Variants in MACF1 observed in about 807,000 individuals in gnomAD.
The protein encoded by MACF1 is microtubule actin crosslinking factor 1, also known as microtubule-actin cross-linking factor 1.
MACF1 carries 193 observed loss-of-function variants against 854.8 expected under a neutral mutation model. The observed-to-expected ratio is 0.23, with a 90% CI of 0.20 to 0.25. MACF1 has a LOEUF of 0.25. Among genes scored for constraint, MACF1 ranks in the 10% least tolerant of loss-of-function variants. The pLI, the probability that MACF1 is intolerant of heterozygous loss-of-function variation, is 1.00. For synonymous variants in MACF1, 3,185 were observed against 3,226.7 expected (o/e 0.99, Z 0.44); for missense variants, 7,722 against 8,929.1 (o/e 0.86, Z 5.45).
chr1:39,325,781 C>T lies in MACF1; in HGVS notation c.4478+1047C>T, dbSNP rs550935323. Among the ~76,000 whole-genome samples, 7 of 152,168 alleles carry T rather than the reference C, an allele frequency of 4.6e-5. No homozygotes were observed. In the South Asian group the frequency reaches 1.5e-3, roughly 32 times the overall value. Reference sequence around the variant, plus strand: ...AAGCCAGAAAGTAAGAGAATTAGTGCCCAGTGGTCTGTATTTTCTCTTTGA... The same window carrying T: ...AAGCCAGAAAGTAAGAGAATTAGTGTCCAGTGGTCTGTATTTTCTCTTTGA... On this transcript the variant is annotated intron_variant, in intron 35 of 100. Transcript: ENST00000564288.
rs571242723 is a variant in MACF1 at position 39,434,629 on chromosome 1, G to A, written c.17781G>A (p.Met5927Ile). ...AGCTCAGGCAGCAACAAGAGGAAATGAGGGTAAGGAGCATGCCAAGTTTCA... is the reference window on the plus strand; with the variant it reads ...AGCTCAGGCAGCAACAAGAGGAAATAAGGGTAAGGAGCATGCCAAGTTTCA... ...HEQLRQQQEEMRQLRESIAEH... is the reference protein window; with the variant it reads ...HEQLRQQQEEIRQLRESIAEH... Residue 5927 changes from methionine (M) to isoleucine (I), a missense_variant, in exon 69 of 101, where the codon ATG (methionine) becomes ATA (isoleucine). Met to Ile is a conservative substitution (Grantham distance 10). This residue lies in a region of MACF1 where 2,807 missense variants were observed against 3,235.8 expected (regional missense o/e 0.87). Coordinates refer to ENST00000564288, the MANE Select transcript of MACF1 (RefSeq NM_001394062.1). The A allele has an allele frequency of 1.9e-6, 3 of 1,613,398 alleles. No homozygotes were observed. The highest frequency in any genetic ancestry group is 4.5e-5 in the East Asian group (2 of 44,878).
chr1:39,346,913 A>T (rs1372390094), intron 40 of MACF1, 64 bp from the exon 41 acceptor site: 14 of 1,070,748 alleles, frequency 1.3e-5, no homozygotes, highest in Non-Finnish European at 1.8e-5. Context: ...GGTTTTCTTC[A>T]TGAACTGAGA....
chr1:39,178,745 C>T (rs371971439), intron 2 of MACF1, among the ~76,000 whole-genome samples: 1 of 152,152 alleles, frequency 6.6e-6, no homozygotes. Flanking sequence ...TGTCTCACTC[C>T]TGGAATTCCT....
rs1644139784 is a variant in MACF1, at chr1:39,442,496, G to C, written c.19033G>C (p.Glu6345Gln). Reference sequence around the variant, plus strand: ...AATGAGTTGGCTGACTCATACCGAAGAGTTGTTAGATGCTCAGAGACCAAT... The same window carrying C: ...AATGAGTTGGCTGACTCATACCGAACAGTTGTTAGATGCTCAGAGACCAAT... ...ELMSWLTHTE[E>Q]LLDAQRPISG... The change falls in exon 77 of 101, where the codon GAG becomes CAG. Residue 6345 changes from glutamate (E) to glutamine (Q), a missense_variant. By Grantham distance (29) the Glu-to-Gln change is conservative (BLOSUM62 2). Around this residue, in one of 15 missense-constraint regions of MACF1, gnomAD observed 2,807 missense variants for 3,235.8 expected, o/e 0.87. Transcript: ENST00000564288. 1.2e-6 allele frequency: 2 copies of C among 1,614,086 alleles called. No individual in the cohort carries two copies. The highest frequency in any genetic ancestry group is 1.7e-6 in the Non-Finnish European group (2 of 1,180,032).
rs190977180 is a variant in MACF1, at chr1:39,416,640, T to A, written c.15817-5734T>A. 3.7e-3 allele frequency among the ~76,000 whole-genome samples: 567 copies of A among 152,332 alleles called. 3 individuals carry two copies. Among genetic ancestry groups the A allele is most frequent in the Non-Finnish European group, 5.6e-3 (378 of 68,016 alleles). ...CTGTATCAGTCTCTGGAATCCTTGT[T>A]TCCTCATCTGCAAAATGAGTAGATG... is the stretch of plus-strand genomic sequence containing the variant. On this transcript the variant is annotated intron_variant, in intron 58 of 100. Transcript: ENST00000564288.
chr1:39,365,233 G>A (rs558401271), intron 49 of MACF1, among the ~76,000 whole-genome samples: 4 of 151,906 alleles, frequency 2.6e-5, no homozygotes, highest in African/African-American at 7.3e-5. Flanking sequence ...CCGCCACCAC[G>A]TCCAGCTAAT....
At chr1:39,360,030 T>G (rs865992106) in intron 47 of MACF1, among the ~76,000 whole-genome samples, 22 of 55,476 alleles carry the variant, frequency 4.0e-4, no homozygotes, top group African/African-American at 1.6e-3. Context: ...TATATATATA[T>G]ATATATATAT....
chr1:39,435,639 C>T lies in MACF1; in HGVS notation c.17866C>T (p.Pro5956Ser). 6.2e-7 allele frequency: 1 copy of T among 1,613,944 alleles called. No homozygotes were observed. The highest frequency in any genetic ancestry group is 8.5e-7 in the Non-Finnish European group (1 of 1,179,960). The change falls in exon 70 of 101, where the codon CCT becomes TCT. Residue 5956 changes from proline (P) to serine (S), a missense_variant. By Grantham distance (74) the Pro-to-Ser change is moderately conservative. This residue lies in a region of MACF1 where 2,807 missense variants were observed against 3,235.8 expected (regional missense o/e 0.87). Coordinates refer to ENST00000564288, the MANE Select transcript of MACF1 (RefSeq NM_001394062.1). ...AGGCCCACAACTAAAGGAATTAAAC[C>T]CTGAGGAAGGGGAAATGGTGGAAGA... ...KIGPQLKELN[P>S]EEGEMVEEKY...
At chr1:39,306,445 C>G (rs1646178697) in intron 23 of MACF1, among the ~76,000 whole-genome samples, 1 of 151,994 alleles carries the variant, frequency 6.6e-6, no homozygotes, top group Non-Finnish European at 1.5e-5. Flanking sequence ...TATTTACTTT[C>G]TTATATAATT....
Position 39,387,666 on chromosome 1 carries a change from C to T in MACF1, c.14824C>T (p.Leu4942Phe), listed in dbSNP as rs767998204. ...TLDPVQLESS[L>F]LRSKAMLNEV... is the part of the protein sequence containing the mutation. Reference sequence around the variant, plus strand: ...GGATCCAGTGCAGCTAGAGTCCAGTCTCCTAAGATCAAAGGCTATGCTGAA... The same window carrying T: ...GGATCCAGTGCAGCTAGAGTCCAGTTTCCTAAGATCAAAGGCTATGCTGAA... The change falls in exon 58 of 101, where the codon CTC becomes TTC. Residue 4942 changes from leucine (L) to phenylalanine (F), a missense_variant. This residue lies in a region of MACF1 where 2,807 missense variants were observed against 3,235.8 expected (regional missense o/e 0.87). Coordinates refer to ENST00000564288, the MANE Select transcript of MACF1 (RefSeq NM_001394062.1). The T allele has an allele frequency of 4.3e-6, 7 of 1,614,170 alleles. 1 individual carries two copies. In the South Asian group the frequency reaches 7.7e-5, roughly 18 times the overall value.
At chr1:39,160,522 A>G (rs2148207681) in intron 2 of MACF1, among the ~76,000 whole-genome samples, 1 of 152,336 alleles carries the variant, frequency 6.6e-6, no homozygotes, top group South Asian at 2.1e-4. Flanking sequence ...ATTCACTTAT[A>G]TACACTGTAT....
chr1:39,285,500 C>A (rs866944351), intron 13 of MACF1, 104 bp from the exon 14 acceptor site: 1 of 1,317,212 alleles, frequency 7.6e-7, no homozygotes, highest in Admixed American at 2.3e-5. Context: ...TATTATTTCC[C>A]TTTTTTTTTT....
chr1:39,112,085 A>ATTTT, intron 2 of MACF1, among the ~76,000 whole-genome samples: 7 of 123,260 alleles, frequency 5.7e-5, no homozygotes, highest in Admixed American at 1.7e-4. Flanking sequence ...GATTATTCAA[A>ATTTT]TCTTTTTTTT....
chr1:39,094,635 T>C (rs1641893001), intron 2 of MACF1, among the ~76,000 whole-genome samples: 1 of 151,934 alleles, frequency 6.6e-6, no homozygotes, highest in Non-Finnish European at 1.5e-5. Flanking sequence ...GGAGAATTGC[T>C]TGAACCTGGG....
chr1:39,421,841 G>A (rs778580449), intron 58 of MACF1, among the ~76,000 whole-genome samples: 2 of 152,172 alleles, frequency 1.3e-5, no homozygotes, highest in Admixed American at 1.3e-4. Context: ...TTGGGAGGCC[G>A]AGGAGGGCGG....
intron 1 of MACF1, among the ~76,000 whole-genome samples, chr1:39,220,877 G>A (rs186255216): frequency 6.6e-6 from 1 of 152,286 alleles, no homozygotes; most frequent in African/African-American, 2.4e-5. Context: ...TCTAATGATA[G>A]GTTTTATATG....
At chr1:39,201,001 CA>C (rs146289950), upstream of MACF1, among the ~76,000 whole-genome samples, 5 of 152,114 alleles carry the variant, frequency 3.3e-5, no homozygotes, top group East Asian at 9.6e-4. Flanking sequence ...CCTGCCCCCC[CA>C]AAAAACAGAC....
intron 1 of MACF1, among the ~76,000 whole-genome samples, chr1:39,220,285 A>G (rs1365226490): frequency 4.1e-5 from 6 of 147,818 alleles, no homozygotes; most frequent in East Asian, 4.1e-4. Context: ...CCATTTTCCT[A>G]CCTCAGCCTC....
rs542967651 is a variant in MACF1 at position 39,330,029 on chromosome 1, A to G, written c.4615-1174A>G. 3.5e-4 allele frequency among the ~76,000 whole-genome samples: 54 copies of G among 152,190 alleles called. 1 individual carries two copies. Among genetic ancestry groups the G allele is most frequent in the Non-Finnish European group, 3.5e-4 (24 of 68,030 alleles). ...TACCTAAACTCTGTGCCTCATTTTC[A>G]TTTCTTCAAACTAAAGATTCAAACA... is the stretch of plus-strand genomic sequence containing the variant. On this transcript the variant is annotated intron_variant, in intron 36 of 100. Transcript: ENST00000564288.
Sources: allele counts gnomAD v4.1 joint callset (sites outside exome capture counted in the v4.1 genomes callset), GRCh38; gene constraint gnomAD v4.1.1; regional missense constraint gnomAD v4.1.1; transcripts MANE v1.5; gene names NCBI Gene and HGNC (gene_info 2026-07-23, HGNC 2026-07-21).